Variants in KIAA0040 observed in about 807,000 individuals in gnomAD.
KIAA0040 encodes uncharacterized protein KIAA0040.
Under a neutral mutation model 7.2 loss-of-function variants are expected in KIAA0040, and 10 were observed. That is an observed-to-expected ratio of 1.38 (90% confidence interval 0.85 to 2.34). KIAA0040 has a LOEUF of 2.34. Ranked by LOEUF, KIAA0040 falls within the 30% of genes most tolerant of loss-of-function variation. The pLI, the probability that KIAA0040 is intolerant of heterozygous loss-of-function variation, is 0.00. For synonymous variants in KIAA0040, 49 were observed against 40.1 expected (o/e 1.22, Z -0.84); for missense variants, 89 against 108.2 (o/e 0.82, Z 0.79).
At chr1:175,179,038 G>A (rs1199452088) in intron 1 of KIAA0040, among the ~76,000 whole-genome samples, 1 of 152,036 alleles carries the variant, frequency 6.6e-6, no homozygotes, top group Non-Finnish European at 1.5e-5. Flanking sequence ...ATTACATGGA[G>A]GGCTGGACAT....
intron 3 of KIAA0040, among the ~76,000 whole-genome samples, chr1:175,163,172 T>C (rs1034424085): frequency 9.9e-5 from 15 of 152,206 alleles, no homozygotes; most frequent in Admixed American, 2.0e-4. Context: ...TTGTGTGGAA[T>C]TAACCCATTT....
At position 175,160,688 on chromosome 1, in the gene KIAA0040, A is replaced by G; in HGVS notation, c.*26T>C. On this transcript the variant is annotated 3_prime_UTR_variant, in exon 4 of 4. Coordinates refer to ENST00000423313, the MANE Select transcript of KIAA0040 (RefSeq NM_014656.3). The stretch of plus-strand genomic sequence containing the variant: ...GTCAGAAGGAGGCTTAGCCCCAGAA[A>G]GGAAACACCTCTGCTTCCTGCCTAA... 1 of 1,521,966 alleles carries G rather than the reference A, an allele frequency of 6.6e-7. No individual in the cohort carries two copies. Among genetic ancestry groups the G allele is most frequent in the Non-Finnish European group, 8.8e-7 (1 of 1,135,582 alleles). The allele number at this position is 1,521,966 out of a possible 1,614,324, so 94.3% of individuals were successfully genotyped here. A position where few individuals can be genotyped will look rare whatever the true frequency, so the allele number is the denominator to read the frequency against.
At position 175,160,838 on chromosome 1, in the gene KIAA0040, C is replaced by A. The variant is rs965561894; in HGVS notation, c.176G>T (p.Gly59Val). The change falls in exon 4 of 4, where the codon GGC becomes GTC. Residue 59 changes from glycine (G) to valine (V), a missense_variant. By Grantham distance (109) the Gly-to-Val change is moderately radical (BLOSUM62 -3). Transcript: ENST00000423313. Reference protein sequence around the residue: ...HCCWSPPGKRGQQPEKNKKKK... With the variant: ...HCCWSPPGKRVQQPEKNKKKK... ...CTTCTTGTTCTTCTCTGGCTGCTGG[C>A]CCCTCTTGCCTGGTGGGCTCCAGCA... 8 of 1,551,046 alleles carry A rather than the reference C, an allele frequency of 5.2e-6. No homozygotes were observed. Among genetic ancestry groups the A allele is most frequent in the Non-Finnish European group, 7.0e-6 (8 of 1,146,960 alleles).
chr1:175,176,164 T>C (rs749163702), intron 2 of KIAA0040, among the ~76,000 whole-genome samples: 11 of 152,210 alleles, frequency 7.2e-5, no homozygotes, highest in Admixed American at 1.3e-4. Context: ...GGGAGACATT[T>C]ACAGGCTGGA....
At chr1:175,177,378 G>A (rs568755586) in intron 2 of KIAA0040, among the ~76,000 whole-genome samples, 1 of 152,354 alleles carries the variant, frequency 6.6e-6, no homozygotes, top group Non-Finnish European at 1.5e-5. Context: ...GATGGCAGTT[G>A]GCCTAGAGCA....
In KIAA0040 at chr1:175,160,219, A is replaced by T. The variant is rs1356244576; in HGVS notation, c.*495T>A. ...CCTTGCTGGTTAGGAAATTGTATAT[A>T]TGTGTCTGAATCTGGCAAGGCTTTC... On this transcript the variant is annotated 3_prime_UTR_variant, in exon 4 of 4. Transcript: ENST00000423313. The T allele has an allele frequency of 6.3e-6, 1 of 158,236 alleles. No individual in the cohort carries two copies. The highest frequency in any genetic ancestry group is 1.4e-5 in the Non-Finnish European group (1 of 70,912). The allele number at this position is 158,236 out of a possible 1,614,324, so 9.8% of individuals were successfully genotyped here. A position where few individuals can be genotyped will look rare whatever the true frequency, so the allele number is the denominator to read the frequency against.
chr1:175,188,189 A>T (rs923028746), intron 1 of KIAA0040, among the ~76,000 whole-genome samples: 13 of 152,304 alleles, frequency 8.5e-5, no homozygotes, highest in African/African-American at 2.9e-4. Context: ...TTGGGTTTGG[A>T]TGCCGCCATG....
chr1:175,164,580 T>C (rs1422226165), intron 3 of KIAA0040, among the ~76,000 whole-genome samples: 3 of 152,188 alleles, frequency 2.0e-5, no homozygotes, highest in Non-Finnish European at 4.4e-5. Context: ...AGATTTCTTT[T>C]CAAGCTAAAG....
chr1:175,190,893 C>A (rs986989164), intron 1 of KIAA0040, among the ~76,000 whole-genome samples: 1 of 152,194 alleles, frequency 6.6e-6, no homozygotes, highest in African/African-American at 2.4e-5. Context: ...CTATTCCCTA[C>A]CTGCCATTGA....
At chr1:175,187,290 T>C (rs141624521) in intron 1 of KIAA0040, among the ~76,000 whole-genome samples, 126 of 152,210 alleles carry the variant, frequency 8.3e-4, no homozygotes, top group African/African-American at 2.8e-3. Context: ...CCAAGAAAGT[T>C]TGGATGGACG....
In KIAA0040 at chr1:175,182,324, C is replaced by T. The variant is rs144180042; in HGVS notation, c.-383-4640G>A. Among the ~76,000 whole-genome samples the T allele has an allele frequency of 3.0e-3, 453 of 152,294 alleles. 1 individual carries two copies. In the Middle Eastern group the frequency reaches 0.037, roughly 13 times the overall value. ...CCCAACTACATTTTATCTCTTTGTG[C>T]AGCATATCCTTACATTTGATGATAA... On this transcript the variant is annotated intron_variant, in intron 1 of 3. Coordinates refer to ENST00000423313, the MANE Select transcript of KIAA0040 (RefSeq NM_014656.3).
intron 1 of KIAA0040, among the ~76,000 whole-genome samples, chr1:175,189,878 G>A (rs1227911008): frequency 6.6e-6 from 1 of 152,130 alleles, no homozygotes; most frequent in Non-Finnish European, 1.5e-5. Context: ...CAGCTAATAA[G>A]CAGTTAAGCC....
intron 1 of KIAA0040, among the ~76,000 whole-genome samples, chr1:175,190,913 C>T (rs1333814747): frequency 1.3e-5 from 2 of 152,184 alleles, no homozygotes; most frequent in South Asian, 2.1e-4. Flanking sequence ...ACTTTGCATA[C>T]CCTCTTTCCT....
At chr1:175,165,335 G>A (rs560922573) in intron 3 of KIAA0040, among the ~76,000 whole-genome samples, 5 of 152,112 alleles carry the variant, frequency 3.3e-5, no homozygotes, top group Non-Finnish European at 1.5e-5. Flanking sequence ...ACATTGTGGG[G>A]ATCAAAATGA....
chr1:175,160,662 G>A lies in KIAA0040; in HGVS notation c.*52C>T, dbSNP rs1676491531. On this transcript the variant is annotated 3_prime_UTR_variant, in exon 4 of 4. Coordinates refer to ENST00000423313, the MANE Select transcript of KIAA0040 (RefSeq NM_014656.3). ...AGGGGTTCCTGAAATGTCTGTGTGTGGTCAGAAGGAGGCTTAGCCCCAGAA... is the reference window on the plus strand; with the variant it reads ...AGGGGTTCCTGAAATGTCTGTGTGTAGTCAGAAGGAGGCTTAGCCCCAGAA... The A allele has an allele frequency of 6.9e-7, 1 of 1,459,850 alleles. No individual in the cohort carries two copies. Among genetic ancestry groups the A allele is most frequent in the Non-Finnish European group, 9.1e-7 (1 of 1,094,690 alleles). 90.4% of individuals were successfully genotyped at this position (1,459,850 alleles called of 1,614,324 possible). A position where few individuals can be genotyped will look rare whatever the true frequency, so the allele number is the denominator to read the frequency against.
chr1:175,178,324 A>G (rs547570874), intron 1 of KIAA0040, among the ~76,000 whole-genome samples: 4 of 152,318 alleles, frequency 2.6e-5, no homozygotes, highest in South Asian at 2.1e-4. Flanking sequence ...TGGTACCTAC[A>G]TTTGTGGCTG....
At chr1:175,172,718 T>G (rs979324064) in intron 2 of KIAA0040, among the ~76,000 whole-genome samples, 1 of 152,260 alleles carries the variant, frequency 6.6e-6, no homozygotes, top group African/African-American at 2.4e-5. Context: ...TTTTATTCAC[T>G]GCGTTACATC....
intron 3 of KIAA0040, among the ~76,000 whole-genome samples, chr1:175,162,804 T>G (rs1676598845): frequency 6.6e-6 from 1 of 152,140 alleles, no homozygotes; most frequent in South Asian, 2.1e-4. Context: ...AATCCCACCC[T>G]CTCATGGCAT....
At chr1:175,192,817 G>GCCCGCCCCGCCCGCCCCGC (rs1553333395), upstream of KIAA0040, 3 of 123,468 alleles carry the variant, frequency 2.4e-5, no homozygotes, top group Non-Finnish European at 5.3e-5. Context: ...CGTGGGAGCC[G>GCCCGCCCCGCCCGCCCCGC]CCCGCCCCGC....
Sources: gnomAD v4.1 joint callset for allele counts (sites outside exome capture counted in the v4.1 genomes callset) on GRCh38, gnomAD v4.1.1 for gene constraint, MANE v1.5 for transcripts, NCBI Gene and HGNC (gene_info 2026-07-23, HGNC 2026-07-21) for gene names.